Variants in DCP2 observed in about 807,000 individuals in gnomAD.
DCP2 encodes decapping mRNA 2.
Under a neutral mutation model 56.1 loss-of-function variants are expected in DCP2, and 30 were observed. The ratio of observed to expected loss-of-function variants is 0.53; its 90% confidence interval spans 0.40 to 0.73. DCP2 has a LOEUF of 0.73. Ranked by LOEUF, DCP2 falls within the 30% of genes least tolerant of loss-of-function variation. The pLI, the probability that DCP2 is intolerant of heterozygous loss-of-function variation, is 0.00. For synonymous variants in DCP2, 197 were observed against 163.3 expected (o/e 1.21, Z -1.57); for missense variants, 533 against 502.7 (o/e 1.06, Z -0.58).
chr5:112,986,501 T>C (rs2150171345), intron 2 of DCP2, among the ~76,000 whole-genome samples: 1 of 147,384 alleles, frequency 6.8e-6, no homozygotes, highest in East Asian at 2.0e-4. Context: ...TTCCTGCTAA[T>C]TTTTTTTTTA....
chr5:112,993,608 G>T (rs921867809), intron 4 of DCP2, among the ~76,000 whole-genome samples: 1 of 130,458 alleles, frequency 7.7e-6, no homozygotes, highest in Non-Finnish European at 1.6e-5. Flanking sequence ...TGGGCAACAA[G>T]AGTGAAACAC....
chr5:112,992,473 CTTTT>C (rs893536273), intron 3 of DCP2, among the ~76,000 whole-genome samples, 195 bp from the exon 4 acceptor site: 3 of 146,666 alleles, frequency 2.0e-5, no homozygotes, highest in Non-Finnish European at 3.0e-5. Context: ...TTGTTGAAGA[CTTTT>C]TTTTTTTAAA....
At position 113,015,040 on chromosome 5, in the gene DCP2, C is replaced by G. The variant is rs1339867292; in HGVS notation, c.*1556C>G. On this transcript the variant is annotated 3_prime_UTR_variant, in exon 11 of 11. Transcript: ENST00000389063. ...CCTTTTGGTGCTAAGCAGGAGAATTCACAATTAAAGCAGTGTGTATAGAAT... is the reference window on the plus strand; with the variant it reads ...CCTTTTGGTGCTAAGCAGGAGAATTGACAATTAAAGCAGTGTGTATAGAAT... 6.6e-6 allele frequency: 1 copy of G among 152,628 alleles called. No homozygotes were observed. Among genetic ancestry groups the G allele is most frequent in the Non-Finnish European group, 1.5e-5 (1 of 68,040 alleles). 9.5% of individuals were successfully genotyped at this position (152,628 alleles called of 1,614,324 possible).
intron 10 of DCP2, among the ~76,000 whole-genome samples, chr5:113,012,919 G>A (rs1257478599): frequency 6.6e-6 from 1 of 152,198 alleles, no homozygotes; most frequent in Admixed American, 6.5e-5. Context: ...TGGGATTACA[G>A]GTGTGAGCCA....
chr5:112,977,021 G>T (rs1226510010), intron 1 of DCP2, 35 bp downstream of exon 1: 4 of 1,467,474 alleles, frequency 2.7e-6, no homozygotes, highest in Non-Finnish European at 3.6e-6. Context: ...CGCCCCCGTC[G>T]GGTTTTCTCA....
chr5:112,986,379 T>C (rs994981371), intron 2 of DCP2, among the ~76,000 whole-genome samples: 2 of 151,844 alleles, frequency 1.3e-5, no homozygotes, highest in African/African-American at 4.8e-5. Flanking sequence ...ATTCTGTCGC[T>C]CAGGCTGAAG....
intron 4 of DCP2, among the ~76,000 whole-genome samples, chr5:112,994,522 A>C (rs1042935330): frequency 3.9e-5 from 6 of 152,168 alleles, no homozygotes; most frequent in African/African-American, 1.4e-4. Flanking sequence ...CAGCTCTAGC[A>C]AACAGTAGTG....
chr5:112,984,697 A>ATATATATATATATATATATATATAT lies in DCP2; in HGVS notation c.54-1138_54-1137insTATATATATATATATATATATATAT, dbSNP rs1436502850. ...TTTTATTTCTTAATTAAAAAAAAAA[A>ATATATATATATATATATATATATAT]AAAAAAATATATATATATATATATA... On this transcript the variant is annotated intron_variant, in intron 1 of 10. Transcript: ENST00000389063. The ATATATATATATATATATATATATAT allele has an allele frequency of 8.2e-4, 62 of 76,072 alleles. 1 individual carries two copies. The highest frequency in any genetic ancestry group is 1.5e-3 in the African/African-American group (19 of 12,628). 4.7% of individuals were successfully genotyped at this position (76,072 alleles called of 1,614,324 possible).
chr5:112,994,235 G>A (rs1748744357), intron 4 of DCP2, among the ~76,000 whole-genome samples: 2 of 135,422 alleles, frequency 1.5e-5, no homozygotes, highest in Admixed American at 8.1e-5. Flanking sequence ...ACAGTGACAT[G>A]ATGATAGTGC....
chr5:113,011,751 C>G (rs1188577657), intron 10 of DCP2, among the ~76,000 whole-genome samples: 1 of 152,084 alleles, frequency 6.6e-6, no homozygotes, highest in Non-Finnish European at 1.5e-5. Context: ...GTTACCTGTG[C>G]TTTTGCGGTC....
intron 4 of DCP2, among the ~76,000 whole-genome samples, chr5:112,999,052 T>G (rs955078043): frequency 2.0e-5 from 3 of 152,242 alleles, no homozygotes; most frequent in Non-Finnish European, 4.4e-5. Flanking sequence ...TTCAGTCTCC[T>G]TTAATCTGAA....
intron 9 of DCP2, among the ~76,000 whole-genome samples, chr5:113,008,611 T>C (rs533935076): frequency 1.3e-5 from 2 of 152,220 alleles, no homozygotes; most frequent in Non-Finnish European, 2.9e-5. Context: ...TTCACCTGTT[T>C]TTCATTTATT....
intron 1 of DCP2, among the ~76,000 whole-genome samples, chr5:112,977,239 A>G (rs1025826727): frequency 6.6e-6 from 1 of 151,614 alleles, no homozygotes; most frequent in Non-Finnish European, 1.5e-5. Flanking sequence ...AAGTTACTCA[A>G]CTATTTTGCT....
Position 113,001,424 on chromosome 5 carries a change from T to A in DCP2, c.653T>A (p.Leu218His). 1.2e-6 allele frequency: 2 copies of A among 1,614,076 alleles called. No homozygotes were observed. Among genetic ancestry groups the A allele is most frequent in the Non-Finnish European group, 1.7e-6 (2 of 1,180,000 alleles). ...AATGATATGACCCCCAAATCCAAAC[T>A]TGGTTTGGCACCTAACAAATTTTTT... ...HRNDMTPKSKLGLAPNKFFMA... is the reference protein window; with the variant it reads ...HRNDMTPKSKHGLAPNKFFMA... The change falls in exon 6 of 11, where the codon CTT becomes CAT. Residue 218 changes from leucine to histidine, a missense_variant. This residue lies in a region of DCP2 where 392 missense variants were observed against 346.6 expected (regional missense o/e 1.13). Coordinates refer to ENST00000389063, the MANE Select transcript of DCP2 (RefSeq NM_152624.6).
intron 1 of DCP2, chr5:112,984,694 A>AT (rs1748167713): frequency 1.8e-5 from 2 of 113,414 alleles, no homozygotes; most frequent in African/African-American, 8.6e-5. Flanking sequence ...ATTAAAAAAA[A>AT]AAAAAAAAAA....
intron 9 of DCP2, among the ~76,000 whole-genome samples, chr5:113,010,207 ATTTT>A (rs766144641): frequency 5.1e-5 from 6 of 117,920 alleles, no homozygotes; most frequent in African/African-American, 1.6e-4. Context: ...TAATTCTTGT[ATTTT>A]TTTTTTTTTT....
chr5:112,981,633 G>GT (rs1748010985), intron 1 of DCP2, among the ~76,000 whole-genome samples: 2 of 152,126 alleles, frequency 1.3e-5, no homozygotes, highest in Admixed American at 6.5e-5. Flanking sequence ...GGAGCCCTTT[G>GT]TAAGTGTCTT....
Position 113,001,116 on chromosome 5 carries a change from C to T in DCP2, c.465C>T (p.Asp155=). 1 of 1,611,430 alleles carries T rather than the reference C, an allele frequency of 6.2e-7. No homozygotes were observed. Among genetic ancestry groups the T allele is most frequent in the South Asian group, 1.1e-5 (1 of 90,148 alleles). ...AAGAAACTGGTTTTGATATCAAAGACTATATTTGTAAGGATGATTACATTG... is the reference window on the plus strand; with the variant it reads ...AAGAAACTGGTTTTGATATCAAAGATTATATTTGTAAGGATGATTACATTG... The part of the protein sequence containing the change: ...VFEETGFDIK[D]YICKDDYIEL... The change falls in exon 5 of 11, where the codon GAC becomes GAT. Residue 155 remains aspartate, a synonymous_variant. Coordinates refer to ENST00000389063, the MANE Select transcript of DCP2 (RefSeq NM_152624.6).
chr5:113,005,321 A>C (rs1749374535), intron 8 of DCP2, among the ~76,000 whole-genome samples: 1 of 152,226 alleles, frequency 6.6e-6, no homozygotes, highest in South Asian at 2.1e-4. Flanking sequence ...CTCAACAACA[A>C]CACAACAATC....
Sources: gnomAD v4.1 joint callset for allele counts (sites outside exome capture counted in the v4.1 genomes callset) on GRCh38, gnomAD v4.1.1 for gene constraint, gnomAD v4.1.1 regional missense constraint, MANE v1.5 for transcripts, NCBI Gene and HGNC (gene_info 2026-07-23, HGNC 2026-07-21) for gene names.